PTPN13: variants seen among roughly 807,000 people sequenced by gnomAD.
PTPN13 encodes tyrosine-protein phosphatase non-receptor type 13.
In PTPN13, 191 loss-of-function variants were observed where a neutral mutation model predicts 284.0. The observed-to-expected ratio is 0.67, with a 90% CI of 0.60 to 0.76. The LOEUF (loss-of-function observed/expected upper bound fraction) is 0.76. Ranked by LOEUF, PTPN13 falls within the 30% of genes least tolerant of loss-of-function variation. The pLI, the probability that PTPN13 is intolerant of heterozygous loss-of-function variation, is 0.00. For missense variants in PTPN13, 2,797 were observed against 2,939.9 expected (o/e 0.95, Z 1.12); for synonymous variants, 986 against 1,022.3 (o/e 0.96, Z 0.68).
At chr4:86,716,859 A>G (rs1733083892) in intron 8 of PTPN13, among the ~76,000 whole-genome samples, 165 bp from the exon 9 acceptor site, 1 of 152,216 alleles carries the variant, frequency 6.6e-6, no homozygotes, top group Non-Finnish European at 1.5e-5. Context: ...TGTCTTTAAA[A>G]GTAACATGAT....
At chr4:86,745,189 GT>G (rs1565469364) in intron 17 of PTPN13, 61 bp downstream of exon 17, 2 of 1,475,814 alleles carry the variant, frequency 1.4e-6, no homozygotes, top group Non-Finnish European at 1.8e-6. Flanking sequence ...TTGCCACCAA[GT>G]TTTAAAAGAA....
In PTPN13 at chr4:86,799,150, T is replaced by C; in HGVS notation, c.6451T>C (p.Trp2151Arg). ...EKKTDDDEIT[W>R]GNDELPIERT... is the part of the protein sequence containing the mutation. ...GAAGACTGATGATGATGAAATAACA[T>C]GGGGAAATGATGAGTTGCCAATAGA... The change falls in exon 42 of 48, where the codon TGG becomes CGG. Residue 2151 changes from tryptophan to arginine, a missense_variant. Physicochemically the swap from Trp to Arg is moderately radical, Grantham distance 101. Coordinates refer to ENST00000411767, the MANE Select transcript of PTPN13 (RefSeq NM_080683.3). 3.1e-6 allele frequency: 5 copies of C among 1,595,822 alleles called. No homozygotes were observed. The highest frequency in any genetic ancestry group is 4.3e-6 in the Non-Finnish European group (5 of 1,171,912).
intron 25 of PTPN13, 87 bp downstream of exon 25, chr4:86,764,811 G>A (rs1299265537): frequency 7.0e-6 from 10 of 1,422,588 alleles, no homozygotes; most frequent in Non-Finnish European, 9.4e-6. Context: ...GAATTATTTT[G>A]CATCAAAAGG....
At chr4:86,704,207 T>C (rs188180789) in intron 7 of PTPN13, among the ~76,000 whole-genome samples, 1 of 152,260 alleles carries the variant, frequency 6.6e-6, no homozygotes. Flanking sequence ...TTATAATTTC[T>C]AATGTTTTTA....
At chr4:86,675,808 G>A (rs768045918) in intron 3 of PTPN13, among the ~76,000 whole-genome samples, 11 of 152,074 alleles carry the variant, frequency 7.2e-5, no homozygotes, top group Admixed American at 1.3e-4. Context: ...CTTGGCAGAA[G>A]GTGTACTTAT....
rs188626729 is a variant in PTPN13, at chr4:86,664,522, T to C, written c.116-7843T>C. Among the ~76,000 whole-genome samples the C allele has an allele frequency of 6.4e-4, 97 of 152,316 alleles. No individual in the cohort carries two copies. In the South Asian group the frequency reaches 7.9e-3, roughly 12 times the overall value. On this transcript the variant is annotated intron_variant, in intron 2 of 47. Transcript: ENST00000411767. Reference sequence around the variant, plus strand: ...TTTTAAATGGGAAACAAATTCTTTTTCTTGCAAATATTTCAATTAGATAAT... The same window carrying C: ...TTTTAAATGGGAAACAAATTCTTTTCCTTGCAAATATTTCAATTAGATAAT...
intron 2 of PTPN13, among the ~76,000 whole-genome samples, chr4:86,669,285 G>GTA (rs34939020): frequency 0.4 from 44,924 of 112,294 alleles, 8,592 homozygotes; most frequent in South Asian, 0.48. Flanking sequence ...GGAAGAAGAT[G>GTA]TATATATATA....
In PTPN13 at chr4:86,784,627, G is replaced by A. The variant is rs894943099; in HGVS notation, c.6118+69G>A. On this transcript the variant is annotated intron_variant, in intron 38 of 47. Transcript: ENST00000411767. ...TAATTCAGGTAATTAAAAAAAAATAGGTATCCTCTTTTCTTTGCTTTATAT... is the reference window on the plus strand; with the variant it reads ...TAATTCAGGTAATTAAAAAAAAATAAGTATCCTCTTTTCTTTGCTTTATAT... 1.1e-5 allele frequency: 11 copies of A among 985,970 alleles called. No individual in the cohort carries two copies. In the African/African-American group the frequency reaches 1.7e-4, roughly 15 times the overall value. The allele number at this position is 985,970 out of a possible 1,614,324, so 61.1% of individuals were successfully genotyped here. A position where few individuals can be genotyped will look rare whatever the true frequency, so the allele number is the denominator to read the frequency against.
intron 2 of PTPN13, among the ~76,000 whole-genome samples, chr4:86,649,076 G>GT (rs1724784576): frequency 6.6e-6 from 1 of 151,918 alleles, no homozygotes; most frequent in South Asian, 2.1e-4. Context: ...GGGATTATTT[G>GT]TTTTTTTCCT....
intron 41 of PTPN13, 145 bp downstream of exon 41, chr4:86,797,074 TCGGGC>T: frequency 1.6e-6 from 1 of 612,480 alleles, no homozygotes; most frequent in Non-Finnish European, 2.7e-6. Flanking sequence ...TTTAAAATTT[TCGGGC>T]CAGGTGCGGT....
chr4:86,804,745 A>G (rs1423563159), intron 43 of PTPN13, among the ~76,000 whole-genome samples: 3 of 152,222 alleles, frequency 2.0e-5, no homozygotes, highest in Non-Finnish European at 4.4e-5. Flanking sequence ...CCAAAATCTT[A>G]TCTTCTTGCT....
chr4:86,814,160 C>T (rs995722641), intron 47 of PTPN13, among the ~76,000 whole-genome samples: 4 of 151,620 alleles, frequency 2.6e-5, no homozygotes, highest in Non-Finnish European at 5.9e-5. Context: ...GCGCGTGCCA[C>T]GACGCCCAGC....
In PTPN13 at chr4:86,766,473, G is replaced by A. The variant is rs183773882; in HGVS notation, c.4285G>A (p.Ala1429Thr). The A allele has an allele frequency of 4.3e-6, 7 of 1,610,560 alleles. No individual in the cohort carries two copies. The highest frequency in any genetic ancestry group is 4.5e-5 in the East Asian group (2 of 44,794). Residue 1429 changes from alanine (A) to threonine (T), a missense_variant, in exon 27 of 48, where the codon GCC (alanine) becomes ACC (threonine). Physicochemically the swap from Ala to Thr is moderately conservative, Grantham distance 58. Coordinates refer to ENST00000411767, the MANE Select transcript of PTPN13 (RefSeq NM_080683.3). ...TGTCAATGGAGTTAGTCTAGAAGGA[G>A]CCACCCATAAGCAAGCTGTGGAAAC... ...LAVNGVSLEG[A>T]THKQAVETLR...
chr4:86,692,473 G>A (rs1730128690), intron 5 of PTPN13, among the ~76,000 whole-genome samples: 1 of 152,130 alleles, frequency 6.6e-6, no homozygotes, highest in Non-Finnish European at 1.5e-5. Flanking sequence ...TCTGTGGTAT[G>A]TGCGAGTTTG....
At chr4:86,766,352 A>T (rs1189112741) in intron 26 of PTPN13, 80 bp from the exon 27 acceptor site, 2 of 1,171,654 alleles carry the variant, frequency 1.7e-6, no homozygotes, top group East Asian at 2.6e-5. Context: ...CTCCTCAAAC[A>T]AATGAATACG....
chr4:86,677,095 G>T (rs1728355699), intron 3 of PTPN13, among the ~76,000 whole-genome samples: 1 of 151,828 alleles, frequency 6.6e-6, no homozygotes, highest in Non-Finnish European at 1.5e-5. Context: ...GTAAAACCCT[G>T]TCTCTACTAA....
rs866564341 is a variant in PTPN13 at position 86,701,362 on chromosome 4, G to T, written c.756G>T (p.Glu252Asp). ...TGTCCATCAAAGATACACAAGATGA[G>T]AATTATTTCAAGGACATTTTATCAG... ...GFLSIKDTQD[E>D]NYFKDILSDN... Residue 252 changes from glutamate (E) to aspartate (D), a missense_variant, in exon 7 of 48, where the codon GAG becomes GAT. Transcript: ENST00000411767. The T allele has an allele frequency of 1.2e-6, 2 of 1,612,912 alleles. No individual in the cohort carries two copies. Among genetic ancestry groups the T allele is most frequent in the Non-Finnish European group, 1.7e-6 (2 of 1,179,192 alleles).
intron 9 of PTPN13, 43 bp downstream of exon 9, chr4:86,717,160 G>C (rs945916214): frequency 7.8e-6 from 10 of 1,285,886 alleles, no homozygotes; most frequent in African/African-American, 1.5e-5. Flanking sequence ...CCAGTGACCA[G>C]TGTTTGTTTT....
rs1283919855 is a variant in PTPN13, at chr4:86,638,028, C to T, written c.115+2657C>T. Among the ~76,000 whole-genome samples, 6 of 152,156 alleles carry T rather than the reference C, an allele frequency of 3.9e-5. No homozygotes were observed. In the South Asian group the frequency reaches 1.0e-3, roughly 26 times the overall value. ...CAAAAATCACAAGCATTCTTATACA[C>T]CAATAACAGACAAACAGAGAGCCAA... On this transcript the variant is annotated intron_variant, in intron 2 of 47. Transcript: ENST00000411767.
Sources: gnomAD v4.1 joint callset for allele counts (sites outside exome capture counted in the v4.1 genomes callset) on GRCh38, gnomAD v4.1.1 for gene constraint, MANE v1.5 for transcripts, NCBI Gene and HGNC (gene_info 2026-07-23, HGNC 2026-07-21) for gene names.